The following GRID2 variants were observed in gnomAD, a reference collection of about 807,000 sequenced individuals.
GRID2 encodes the protein glutamate receptor ionotropic, delta-2.
A neutral mutation model predicts 114.8 loss-of-function variants in GRID2; 33 were observed. The ratio of observed to expected loss-of-function variants is 0.29; its 90% CI spans 0.22 to 0.38. The LOEUF is 0.38. Ranked by LOEUF, GRID2 falls within the 10% of genes least tolerant of loss-of-function variation. The pLI is 1.00. For synonymous variants in GRID2, 505 were observed against 449.9 expected (o/e 1.12, Z -1.55); for missense variants, 1,184 against 1,257.7 (o/e 0.94, Z 0.89).
chr4:93,155,360 C>A (rs1553997951), intron 4 of GRID2, among the ~76,000 whole-genome samples: 1 of 151,912 alleles, frequency 6.6e-6, no homozygotes, highest in Non-Finnish European at 1.5e-5. Flanking sequence ...TCCCCAACAT[C>A]TTTTTTCTGC....
intron 1 of GRID2, among the ~76,000 whole-genome samples, chr4:92,559,229 A>G (rs1727003203): frequency 6.6e-6 from 1 of 152,190 alleles, no homozygotes; most frequent in Non-Finnish European, 1.5e-5. Flanking sequence ...TATAATTTGT[A>G]TAGTTGCCAT....
chr4:93,055,398 A>G (rs1213906506), intron 2 of GRID2, among the ~76,000 whole-genome samples: 1 of 151,868 alleles, frequency 6.6e-6, no homozygotes, highest in Admixed American at 6.6e-5. Context: ...TTTAAAAATG[A>G]TAATAGATAT....
At chr4:92,384,517 T>TTATATATAA (rs1553929583) in intron 1 of GRID2, among the ~76,000 whole-genome samples, 32 of 36,212 alleles carry the variant, frequency 8.8e-4, no homozygotes, top group African/African-American at 3.6e-3. Context: ...ATATATAATA[T>TTATATATAA]TATATAATAT....
At chr4:92,314,517 T>C (rs752143120) in intron 1 of GRID2, among the ~76,000 whole-genome samples, 4 of 152,090 alleles carry the variant, frequency 2.6e-5, no homozygotes, top group Admixed American at 2.6e-4. Flanking sequence ...AAAAAGGATA[T>C]ATGTGTTGAG....
intron 8 of GRID2, among the ~76,000 whole-genome samples, chr4:93,316,310 A>T: frequency 7.9e-6 from 1 of 125,992 alleles, no homozygotes; most frequent in Non-Finnish European, 1.7e-5. Context: ...GAAAGAAAGA[A>T]AGAAAGAAAG....
At chr4:92,547,917 G>T (rs1344790053) in intron 1 of GRID2, among the ~76,000 whole-genome samples, 2 of 151,996 alleles carry the variant, frequency 1.3e-5, no homozygotes, top group African/African-American at 4.8e-5. Context: ...ATTCCAACAG[G>T]ATTAGTCTAC....
At chr4:93,438,665 A>G (rs1721331558) in intron 10 of GRID2, among the ~76,000 whole-genome samples, 1 of 152,116 alleles carries the variant, frequency 6.6e-6, no homozygotes, top group African/African-American at 2.4e-5. Context: ...GTCTGAGGAA[A>G]GTTAATATTC....
intron 1 of GRID2, among the ~76,000 whole-genome samples, chr4:92,346,532 A>G (rs1216104295): frequency 2.0e-5 from 3 of 151,860 alleles, no homozygotes; most frequent in African/African-American, 4.8e-5. Context: ...TGCCTGGCCA[A>G]TTTTTGTGTT....
At chr4:93,131,877 G>A (rs897803835) in intron 4 of GRID2, among the ~76,000 whole-genome samples, 28 of 152,148 alleles carry the variant, frequency 1.8e-4, no homozygotes, top group South Asian at 4.2e-4. Flanking sequence ...TAGCACTATA[G>A]AGCCGTTATC....
chr4:93,081,131 G>GA (rs5860305), intron 2 of GRID2, among the ~76,000 whole-genome samples: 70,664 of 151,960 alleles, frequency 0.47, 16,998 homozygotes, highest in Admixed American at 0.61. Flanking sequence ...AGCAGTGTAT[G>GA]ATGTAATGTG....
intron 14 of GRID2, among the ~76,000 whole-genome samples, chr4:93,678,882 T>A (rs1376131864): frequency 1.4e-5 from 2 of 147,984 alleles, no homozygotes; most frequent in Non-Finnish European, 3.0e-5. Context: ...ACAAGCAAAA[T>A]AACCAGCTAA....
intron 3 of GRID2, among the ~76,000 whole-genome samples, chr4:93,106,768 C>T (rs540090790): frequency 6.6e-6 from 1 of 152,288 alleles, no homozygotes; most frequent in African/African-American, 2.4e-5. Context: ...TGCTTAACTC[C>T]TGCATTCCAT....
At chr4:92,900,833 C>CAA (rs34089162) in intron 2 of GRID2, among the ~76,000 whole-genome samples, 161 of 71,954 alleles carry the variant, frequency 2.2e-3, no homozygotes, top group East Asian at 3.2e-3. Context: ...GACTTCGTCT[C>CAA]AAAAAAAAAA....
intron 1 of GRID2, among the ~76,000 whole-genome samples, chr4:92,555,128 A>C (rs1475402882): frequency 3.9e-5 from 6 of 152,148 alleles, no homozygotes; most frequent in African/African-American, 9.6e-5. Context: ...ATATTAAATA[A>C]AAGAGGTTCT....
At chr4:93,059,458 A>G (rs539761164) in intron 2 of GRID2, among the ~76,000 whole-genome samples, 2 of 152,242 alleles carry the variant, frequency 1.3e-5, no homozygotes, top group African/African-American at 4.8e-5. Flanking sequence ...GTGGCCAGTA[A>G]CATGCTTCTC....
intron 2 of GRID2, among the ~76,000 whole-genome samples, chr4:92,690,929 A>T (rs1223632282): frequency 6.6e-6 from 1 of 152,138 alleles, no homozygotes; most frequent in Non-Finnish European, 1.5e-5. Context: ...CCTTGTCTGG[A>T]AACAAAAATA....
At chr4:92,920,216 C>T (rs1291934900) in intron 2 of GRID2, among the ~76,000 whole-genome samples, 1 of 152,110 alleles carries the variant, frequency 6.6e-6, no homozygotes, top group Non-Finnish European at 1.5e-5. Flanking sequence ...CTTCCTCCAT[C>T]CCTTTATTTT....
chr4:92,686,743 T>G (rs1733925779), intron 2 of GRID2, among the ~76,000 whole-genome samples: 1 of 152,014 alleles, frequency 6.6e-6, no homozygotes, highest in Non-Finnish European at 1.5e-5. Flanking sequence ...AATTAGTAAT[T>G]TATTTAAAAA....
chr4:92,880,695 A>G lies in GRID2; in HGVS notation c.245-204300A>G, dbSNP rs1321445143. Among the ~76,000 whole-genome samples, 4 of 152,164 alleles carry G rather than the reference A, an allele frequency of 2.6e-5. No individual in the cohort carries two copies. The East Asian group carries it at 7.7e-4, about 29-fold the overall frequency. ...AAAAACAAAAACAAATAAGAAAAAAACACAACAATTTGGCCACAGAGATCT... is the reference window on the plus strand; with the variant it reads ...AAAAACAAAAACAAATAAGAAAAAAGCACAACAATTTGGCCACAGAGATCT... On this transcript the variant is annotated intron_variant, in intron 2 of 15. Coordinates refer to ENST00000282020, the MANE Select transcript of GRID2 (RefSeq NM_001510.4).
Sources: gnomAD v4.1 joint callset for allele counts (sites outside exome capture counted in the v4.1 genomes callset) on GRCh38, gnomAD v4.1.1 for gene constraint, MANE v1.5 for transcripts, NCBI Gene and HGNC (gene_info 2026-07-23, HGNC 2026-07-21) for gene names.